RTN4RL2: variants seen among roughly 807,000 people sequenced by gnomAD.
RTN4RL2 encodes the protein reticulon 4 receptor like 2, also known as reticulon-4 receptor-like 2.
A neutral mutation model predicts 27.8 loss-of-function variants in RTN4RL2; 9 were observed. The observed-to-expected ratio is 0.32, with a 90% confidence interval of 0.20 to 0.57. The LOEUF (loss-of-function observed/expected upper bound fraction) is 0.57, where lower values mean the gene tolerates loss of function less well. Ranked by LOEUF, RTN4RL2 falls within the 20% of genes least tolerant of loss-of-function variation. RTN4RL2 has a pLI of 0.90. For synonymous variants in RTN4RL2, 285 were observed against 297.9 expected (o/e 0.96, Z 0.45); for missense variants, 436 against 596.8 (o/e 0.73, Z 2.81).
rs537138443 is a variant in RTN4RL2 at position 57,476,647 on chromosome 11, G to C, written c.999G>C (p.Gly333=). The C allele has an allele frequency of 7.1e-7, 1 of 1,410,616 alleles. No homozygotes were observed. The highest frequency in any genetic ancestry group is 2.8e-5 in the East Asian group (1 of 35,328). The allele number at this position is 1,410,616 out of a possible 1,614,324, so 87.4% of individuals were successfully genotyped here. A position where few individuals can be genotyped will look rare whatever the true frequency, so the allele number is the denominator to read the frequency against. ...ACAGCTCCTCCAACCACCTGTACGGGGTGGCCGAGGCCGGGGCGCCCCCAG... is the reference window on the plus strand; with the variant it reads ...ACAGCTCCTCCAACCACCTGTACGGCGTGGCCGAGGCCGGGGCGCCCCCAG... ...RGNSSSNHLY[G]VAEAGAPPAD... Residue 333 remains glycine, a synonymous_variant, in exon 3 of 3, where the codon GGG becomes GGC. Coordinates refer to ENST00000335099, the MANE Select transcript of RTN4RL2 (RefSeq NM_178570.3). The surrounding 1 kb of genome is among the most constrained non-coding windows in gnomAD (Gnocchi z 8.2).
At chr11:57,470,653 TTAC>T (rs111564677) in intron 2 of RTN4RL2, among the ~76,000 whole-genome samples, 2,338 of 151,964 alleles carry the variant, frequency 0.015, 57 homozygotes, top group African/African-American at 0.05. Flanking sequence ...ATAATAATAA[TTAC>T]TACTACTACT....
In RTN4RL2 at chr11:57,477,257, A is replaced by G; in HGVS notation, c.*346A>G. 1 of 235,346 alleles carries G rather than the reference A, an allele frequency of 4.2e-6. No homozygotes were observed. Among genetic ancestry groups the G allele is most frequent in the Non-Finnish European group, 8.2e-6 (1 of 121,886 alleles). 14.6% of individuals were successfully genotyped at this position (235,346 alleles called of 1,614,324 possible). A position where few individuals can be genotyped will look rare whatever the true frequency, so the allele number is the denominator to read the frequency against. Reference sequence around the variant, plus strand: ...ACACCAGAGGGGCTTTTGTCTGCAGAGCGTCTTCCACCAGCAGAGCCTTTG... The same window carrying G: ...ACACCAGAGGGGCTTTTGTCTGCAGGGCGTCTTCCACCAGCAGAGCCTTTG... On this transcript the variant is annotated 3_prime_UTR_variant, in exon 3 of 3. Transcript: ENST00000335099.
In RTN4RL2 at chr11:57,467,824, A is replaced by C; in HGVS notation, c.247A>C (p.Asn83His). ...RTLRPGTFGS[N>H]LLTLWLFSNN... Reference sequence around the variant, plus strand: ...GCTGCGGCCAGGCACCTTTGGGTCCAACCTGCTCACCCTGTGGCTCTTCTC... The same window carrying C: ...GCTGCGGCCAGGCACCTTTGGGTCCCACCTGCTCACCCTGTGGCTCTTCTC... Residue 83 changes from asparagine (N) to histidine (H), a missense_variant, in exon 2 of 3, where the codon AAC becomes CAC. By Grantham distance (68) the Asn-to-His change is moderately conservative. Transcript: ENST00000335099. The surrounding 1 kb of genome is among the most constrained non-coding windows in gnomAD (Gnocchi z 5.5). The C allele has an allele frequency of 6.2e-7, 1 of 1,614,144 alleles. No individual in the cohort carries two copies. The highest frequency in any genetic ancestry group is 8.5e-7 in the Non-Finnish European group (1 of 1,180,034).
Position 57,476,675 on chromosome 11 carries a change from G to T in RTN4RL2, c.1027G>T (p.Asp343Tyr), listed in dbSNP as rs776464717. 14 of 1,417,462 alleles carry T rather than the reference G, an allele frequency of 9.9e-6. 1 individual carries two copies. Among genetic ancestry groups the T allele is most frequent in the South Asian group, 9.4e-5 (6 of 63,674 alleles). The allele number at this position is 1,417,462 out of a possible 1,614,324, so 87.8% of individuals were successfully genotyped here. A position where few individuals can be genotyped will look rare whatever the true frequency, so the allele number is the denominator to read the frequency against. The change falls in exon 3 of 3, where the codon GAT becomes TAT. Residue 343 changes from aspartate to tyrosine, a missense_variant. Asp to Tyr is a radical substitution (Grantham distance 160). Coordinates refer to ENST00000335099, the MANE Select transcript of RTN4RL2 (RefSeq NM_178570.3). This position sits in a 1 kb window ranked among gnomAD's most constrained non-coding sequence, Gnocchi z 8.2. The part of the protein sequence containing the change: ...GVAEAGAPPA[D>Y]PSTLYRDLPA... The stretch of plus-strand genomic sequence containing the variant: ...GGCCGAGGCCGGGGCGCCCCCAGCC[G>T]ATCCCTCCACCCTCTACCGAGATCT...
In RTN4RL2 at chr11:57,477,192, C is replaced by T; in HGVS notation, c.*281C>T. 2.7e-6 allele frequency: 1 copy of T among 376,792 alleles called. No homozygotes were observed. Among genetic ancestry groups the T allele is most frequent in the South Asian group, 8.3e-5 (1 of 12,032 alleles). The allele number at this position is 376,792 out of a possible 1,614,324, so 23.3% of individuals were successfully genotyped here. A position where few individuals can be genotyped will look rare whatever the true frequency, so the allele number is the denominator to read the frequency against. ...ATCCCAAGGCTGGGGTGGGGCCCCC[C>T]AGGCAGCCGCTGACCCGCACTCCTA... On this transcript the variant is annotated 3_prime_UTR_variant, in exon 3 of 3. Transcript: ENST00000335099.
In RTN4RL2 at chr11:57,465,978, C is replaced by T. The variant is rs1565114500; in HGVS notation, c.32-1631C>T. On this transcript the variant is annotated intron_variant, in intron 1 of 2. Coordinates refer to ENST00000335099, the MANE Select transcript of RTN4RL2 (RefSeq NM_178570.3). ...ACCAGACTGAGCAACATAGCAAGAC[C>T]CCATGCCTACAATTTTTTTTTTTTT... 6.6e-5 allele frequency among the ~76,000 whole-genome samples: 10 copies of T among 150,508 alleles called. No homozygotes were observed. The South Asian group carries it at 2.1e-3, about 32-fold the overall frequency.
At chr11:57,473,189 C>T (rs999011500) in intron 2 of RTN4RL2, among the ~76,000 whole-genome samples, 1 of 152,144 alleles carries the variant, frequency 6.6e-6, no homozygotes, top group Non-Finnish European at 1.5e-5. Context: ...AGTAGACACT[C>T]GGTACAGCTC....
Position 57,477,037 on chromosome 11 carries a change from T to G in RTN4RL2, c.*126T>G. ...TGCCTCCCTTTCCCCTCCCAGCTCCTCTCCTCCCCGGGGAGCAGGCCGCCT... is the reference window on the plus strand; with the variant it reads ...TGCCTCCCTTTCCCCTCCCAGCTCCGCTCCTCCCCGGGGAGCAGGCCGCCT... On this transcript the variant is annotated 3_prime_UTR_variant, in exon 3 of 3. Transcript: ENST00000335099. 1.0e-6 allele frequency: 1 copy of G among 978,886 alleles called. No homozygotes were observed. The highest frequency in any genetic ancestry group is 1.4e-6 in the Non-Finnish European group (1 of 699,466). 60.6% of individuals were successfully genotyped at this position (978,886 alleles called of 1,614,324 possible).
chr11:57,468,557 C>T, intron 2 of RTN4RL2: 1 of 1,536,612 alleles, frequency 6.5e-7, no homozygotes, highest in Non-Finnish European at 8.7e-7. Flanking sequence ...TCTGCCTTCC[C>T]CCAGGGTCCC....
chr11:57,470,668 C>T (rs1430516583), intron 2 of RTN4RL2, among the ~76,000 whole-genome samples: 1 of 152,120 alleles, frequency 6.6e-6, no homozygotes, highest in South Asian at 2.1e-4. Context: ...ACTACTACTA[C>T]TACTAATACT....
In RTN4RL2 at chr11:57,462,162, G is replaced by A. The variant is rs532497785; in HGVS notation, c.31+1266G>A. ...TCCTGTGCTGCCATTTATTTATCCG[G>A]CCTGGACGTTGGATTCTGCAGCCGC... On this transcript the variant is annotated intron_variant, in intron 1 of 2. Transcript: ENST00000335099. 6.6e-5 allele frequency among the ~76,000 whole-genome samples: 10 copies of A among 152,160 alleles called. No individual in the cohort carries two copies. In the South Asian group the frequency reaches 2.1e-3, roughly 32 times the overall value.
At chr11:57,466,374 G>A (rs1263529917) in intron 1 of RTN4RL2, among the ~76,000 whole-genome samples, 4 of 152,202 alleles carry the variant, frequency 2.6e-5, no homozygotes, top group Non-Finnish European at 5.9e-5. Context: ...GGAAGCTGAG[G>A]CAGGAGGATT....
chr11:57,475,023 C>T (rs1943588234), intron 2 of RTN4RL2, among the ~76,000 whole-genome samples: 1 of 152,106 alleles, frequency 6.6e-6, no homozygotes, highest in Non-Finnish European at 1.5e-5. Flanking sequence ...AGCCTAGTAG[C>T]AGTACTTTGG....
Position 57,460,855 on chromosome 11 carries a change from A to G in RTN4RL2, c.-11A>G. The G allele has an allele frequency of 7.1e-7, 1 of 1,405,784 alleles. No individual in the cohort carries two copies. 87.1% of individuals were successfully genotyped at this position (1,405,784 alleles called of 1,614,324 possible). A position where few individuals can be genotyped will look rare whatever the true frequency, so the allele number is the denominator to read the frequency against. On this transcript the variant is annotated 5_prime_UTR_variant, in exon 1 of 3. Coordinates refer to ENST00000335099, the MANE Select transcript of RTN4RL2 (RefSeq NM_178570.3). ...CCCCCCGCTGCCCCCTCCCCCGAGCATCGAGACAAGATGCTGCCCGGGCTC... is the reference window on the plus strand; with the variant it reads ...CCCCCCGCTGCCCCCTCCCCCGAGCGTCGAGACAAGATGCTGCCCGGGCTC...
chr11:57,462,866 C>A (rs374771319), intron 1 of RTN4RL2, among the ~76,000 whole-genome samples: 4 of 152,224 alleles, frequency 2.6e-5, no homozygotes, highest in Admixed American at 2.0e-4. Context: ...CTAGAACAAC[C>A]GCAACTGGAA....
chr11:57,468,682 GCTTCTCTCCAATTCA>G, intron 2 of RTN4RL2: 1 of 1,536,180 alleles, frequency 6.5e-7, no homozygotes, highest in Admixed American at 2.0e-5. Context: ...AGAAAGTTGC[GCTTCTCTCCAATTCA>G]CTGGGCAATG....
rs774945023 is a variant in RTN4RL2, at chr11:57,476,825, C to T, written c.1177C>T (p.Pro393Ser). The T allele has an allele frequency of 2.6e-6, 4 of 1,554,368 alleles. No individual in the cohort carries two copies. Among genetic ancestry groups the T allele is most frequent in the Non-Finnish European group, 3.5e-6 (4 of 1,156,442 alleles). ...GTGCCCCGGCGCTGCCTGCCAGGCG[C>T]CCCCGGACTCCCGAGGCCCTGCGCT... Reference protein sequence around the residue: ...QMCPGAACQAPPDSRGPALSA... With the variant: ...QMCPGAACQASPDSRGPALSA... The change falls in exon 3 of 3, where the codon CCC (proline) becomes TCC (serine). Residue 393 changes from proline (P) to serine (S), a missense_variant. This residue lies in a region of RTN4RL2 where 60 missense variants were observed against 43.0 expected (regional missense o/e 1.40). Transcript: ENST00000335099. This position sits in a 1 kb window ranked among gnomAD's most constrained non-coding sequence, Gnocchi z 8.2.
At position 57,471,243 on chromosome 11, in the gene RTN4RL2, GA is replaced by G. The variant is rs58993967; in HGVS notation, c.513+3167del. Among the ~76,000 whole-genome samples, 165 of 135,128 alleles carry G rather than the reference GA, an allele frequency of 1.2e-3. 1 individual carries two copies. The highest frequency in any genetic ancestry group is 1.2e-3 in the Non-Finnish European group (78 of 63,218). The allele number at this position is 135,128 out of a possible 152,430, so 88.6% of individuals were successfully genotyped here. ...AGAGCAAGACTCTGTCTCAAAAAAG[GA>G]AAAAAAAAAAAAAGCCCATAGTTCA... On this transcript the variant is annotated intron_variant, in intron 2 of 2. Transcript: ENST00000335099.
chr11:57,476,644 C>T lies in RTN4RL2; in HGVS notation c.996C>T (p.Tyr332=). The T allele has an allele frequency of 1.4e-6, 2 of 1,407,504 alleles. No individual in the cohort carries two copies. Among genetic ancestry groups the T allele is most frequent in the South Asian group, 1.6e-5 (1 of 62,844 alleles). The allele number at this position is 1,407,504 out of a possible 1,614,324, so 87.2% of individuals were successfully genotyped here. The change falls in exon 3 of 3, where the codon TAC becomes TAT. Residue 332 remains tyrosine, a synonymous_variant. Transcript: ENST00000335099. This position sits in a 1 kb window ranked among gnomAD's most constrained non-coding sequence, Gnocchi z 8.2. The part of the protein sequence containing the change: ...ARGNSSSNHL[Y]GVAEAGAPPA... ...GCAACAGCTCCTCCAACCACCTGTACGGGGTGGCCGAGGCCGGGGCGCCCC... is the reference window on the plus strand; with the variant it reads ...GCAACAGCTCCTCCAACCACCTGTATGGGGTGGCCGAGGCCGGGGCGCCCC...
Sources: gnomAD v4.1 joint callset for allele counts (sites outside exome capture counted in the v4.1 genomes callset) on GRCh38, gnomAD v4.1.1 for gene constraint, gnomAD v4.1.1 regional missense constraint, Gnocchi (gnomAD v3.1) non-coding constraint, MANE v1.5 for transcripts, NCBI Gene and HGNC (gene_info 2026-07-23, HGNC 2026-07-21) for gene names.